RBBP5: variants seen among roughly 807,000 people sequenced by gnomAD.
RBBP5 encodes the protein RB binding protein 5, histone lysine methyltransferase complex subunit, also known as retinoblastoma-binding protein 5.
In RBBP5, 5 loss-of-function variants were observed where a neutral mutation model predicts 72.2. The observed-to-expected ratio is 0.07, with a 90% CI of 0.04 to 0.15. The LOEUF (loss-of-function observed/expected upper bound fraction) is 0.15, where lower values mean the gene tolerates loss of function less well. Ranked by LOEUF, RBBP5 falls within the 10% of genes least tolerant of loss-of-function variation. RBBP5 has a pLI of 1.00. For synonymous variants in RBBP5, 209 were observed against 237.2 expected (o/e 0.88, Z 1.09); for missense variants, 322 against 652.2 (o/e 0.49, Z 5.51).
At chr1:205,121,291 C>A in intron 1 of RBBP5, among the ~76,000 whole-genome samples, 1 of 152,266 alleles carries the variant, frequency 6.6e-6, no homozygotes, top group East Asian at 1.9e-4. Flanking sequence ...TTTTACACAC[C>A]GTCCCTAGCA....
chr1:205,086,830 T>G lies in RBBP5; in HGVS notation c.*1957A>C, dbSNP rs1198347921. 6.6e-6 allele frequency: 1 copy of G among 152,188 alleles called. No individual in the cohort carries two copies. The highest frequency in any genetic ancestry group is 1.5e-5 in the Non-Finnish European group (1 of 68,082). 9.4% of individuals were successfully genotyped at this position (152,188 alleles called of 1,614,324 possible). A position where few individuals can be genotyped will look rare whatever the true frequency, so the allele number is the denominator to read the frequency against. Reference sequence around the variant, plus strand: ...CCAAGCTACTTCACACGTGGAAAGATGGCAGAAACCCTCTAAGTCCCATAG... The same window carrying G: ...CCAAGCTACTTCACACGTGGAAAGAGGGCAGAAACCCTCTAAGTCCCATAG... On this transcript the variant is annotated 3_prime_UTR_variant, in exon 14 of 14. Transcript: ENST00000264515.
chr1:205,097,184 G>A, intron 11 of RBBP5, 142 bp downstream of exon 11: 1 of 849,522 alleles, frequency 1.2e-6, no homozygotes. Context: ...GGCTACATTG[G>A]ATTTCTTGTA....
intron 1 of RBBP5, among the ~76,000 whole-genome samples, chr1:205,117,755 A>T (rs1656582667): frequency 6.6e-6 from 1 of 152,082 alleles, no homozygotes; most frequent in South Asian, 2.1e-4. Flanking sequence ...GGATAACCCC[A>T]CTGAAAATTT....
chr1:205,095,092 A>G, intron 12 of RBBP5, 28 bp from the exon 13 acceptor site: 7 of 1,609,698 alleles, frequency 4.3e-6, no homozygotes, highest in Non-Finnish European at 6.0e-6. Flanking sequence ...ATGGAAAGGA[A>G]TCCACATGAC....
At chr1:205,105,687 G>A (rs1052713234) in intron 3 of RBBP5, among the ~76,000 whole-genome samples, 1 of 152,226 alleles carries the variant, frequency 6.6e-6, no homozygotes, top group Non-Finnish European at 1.5e-5. Context: ...AGGCAAGCCA[G>A]AGACTGTAGA....
intron 3 of RBBP5, among the ~76,000 whole-genome samples, chr1:205,106,421 T>A (rs571322527): frequency 2.9e-4 from 44 of 152,140 alleles, no homozygotes; most frequent in African/African-American, 1.1e-3. Context: ...ATGGTGAAAC[T>A]CCGTTGTCTA....
intron 6 of RBBP5, among the ~76,000 whole-genome samples, chr1:205,101,266 T>C (rs538534296): frequency 6.6e-6 from 1 of 152,238 alleles, no homozygotes; most frequent in Non-Finnish European, 1.5e-5. Context: ...TAGGCAGTAT[T>C]CAGTTACAAT....
Position 205,087,095 on chromosome 1 carries a change from C to T in RBBP5, c.*1692G>A, listed in dbSNP as rs1342969238. ...ACTGGTTTTAAATGATGGAGTGAGA[C>T]AAAGAGGCTCTTGCTGACGTGCTCT... On this transcript the variant is annotated 3_prime_UTR_variant, in exon 14 of 14. Coordinates refer to ENST00000264515, the MANE Select transcript of RBBP5 (RefSeq NM_005057.4). 2 of 152,098 alleles carry T rather than the reference C, an allele frequency of 1.3e-5. No homozygotes were observed. 9.4% of individuals were successfully genotyped at this position (152,098 alleles called of 1,614,324 possible).
chr1:205,094,341 T>C (rs1370944014), intron 13 of RBBP5, among the ~76,000 whole-genome samples: 1 of 152,218 alleles, frequency 6.6e-6, no homozygotes, highest in Non-Finnish European at 1.5e-5. Context: ...TCATTATTGC[T>C]TCTGGAATAC....
intron 3 of RBBP5, among the ~76,000 whole-genome samples, chr1:205,110,040 G>T (rs897100778): frequency 4.0e-5 from 6 of 151,602 alleles, no homozygotes; most frequent in African/African-American, 1.5e-4. Context: ...TTGTTTTTTG[G>T]GTTTTTTTTT....
chr1:205,117,638 C>A (rs1656578489), intron 1 of RBBP5, among the ~76,000 whole-genome samples: 1 of 151,120 alleles, frequency 6.6e-6, no homozygotes, highest in African/African-American at 2.4e-5. Context: ...CCAGCCTGGG[C>A]AACAAGAGGG....
At chr1:205,111,073 T>C in intron 3 of RBBP5, among the ~76,000 whole-genome samples, 1 of 151,844 alleles carries the variant, frequency 6.6e-6, no homozygotes, top group Admixed American at 6.6e-5. Flanking sequence ...CGAAAAAATT[T>C]AAAAAAAACA....
intron 1 of RBBP5, among the ~76,000 whole-genome samples, chr1:205,121,325 G>A (rs527814800): frequency 6.6e-6 from 1 of 152,224 alleles, no homozygotes; most frequent in Non-Finnish European, 1.5e-5. Context: ...AGAAAGTTAG[G>A]ATAATTGGAT....
chr1:205,103,503 A>G (rs1655929820), intron 5 of RBBP5, among the ~76,000 whole-genome samples: 1 of 152,204 alleles, frequency 6.6e-6, no homozygotes, highest in East Asian at 1.9e-4. Context: ...CAGTACTGTA[A>G]GTTAAGCTGG....
At chr1:205,097,979 A>G (rs186417986) in intron 10 of RBBP5, among the ~76,000 whole-genome samples, 111 of 152,286 alleles carry the variant, frequency 7.3e-4, no homozygotes, top group African/African-American at 2.6e-3. Flanking sequence ...ATTCACCCGC[A>G]CAAACCTTAC....
In RBBP5 at chr1:205,087,196, T is replaced by C. The variant is rs1038743638; in HGVS notation, c.*1591A>G. ...CTATAGGAGCATCCACCAACTGATA[T>C]CATTTTTTTTTTTTTTTTGAGATAG... On this transcript the variant is annotated 3_prime_UTR_variant, in exon 14 of 14. Transcript: ENST00000264515. The C allele has an allele frequency of 6.1e-5, 6 of 99,156 alleles. No individual in the cohort carries two copies. The highest frequency in any genetic ancestry group is 1.3e-4 in the Non-Finnish European group (6 of 46,778). The allele number at this position is 99,156 out of a possible 1,614,324, so 6.1% of individuals were successfully genotyped here. A position where few individuals can be genotyped will look rare whatever the true frequency, so the allele number is the denominator to read the frequency against.
intron 3 of RBBP5, among the ~76,000 whole-genome samples, chr1:205,107,734 T>C (rs549762958): frequency 6.7e-6 from 1 of 149,960 alleles, no homozygotes; most frequent in East Asian, 2.0e-4. Flanking sequence ...TCACCTGAGG[T>C]TGGCAGTTGG....
chr1:205,100,198 C>G lies in RBBP5; in HGVS notation c.706G>C (p.Asp236His). Reference protein sequence around the residue: ...DGREILTCGRDGEPEPMQKLQ... With the variant: ...DGREILTCGRHGEPEPMQKLQ... Reference sequence around the variant, plus strand: ...TTCTGCATAGGTTCAGGCTCTCCATCTCTTCCACATGTTAAGATTTCTCTG... The same window carrying G: ...TTCTGCATAGGTTCAGGCTCTCCATGTCTTCCACATGTTAAGATTTCTCTG... The change falls in exon 7 of 14, where the codon GAT becomes CAT. Residue 236 changes from aspartate (D) to histidine (H), a missense_variant. Coordinates refer to ENST00000264515, the MANE Select transcript of RBBP5 (RefSeq NM_005057.4). 6.2e-7 allele frequency: 1 copy of G among 1,614,208 alleles called. No individual in the cohort carries two copies. Among genetic ancestry groups the G allele is most frequent in the Non-Finnish European group, 8.5e-7 (1 of 1,180,038 alleles).
At chr1:205,091,854 G>A (rs2102250414) in intron 13 of RBBP5, 1 of 152,304 alleles carries the variant, frequency 6.6e-6, no homozygotes, top group East Asian at 1.9e-4. Flanking sequence ...TTTGAAGATG[G>A]TTTGGCCTCA....
Sources: allele counts gnomAD v4.1 joint callset (sites outside exome capture counted in the v4.1 genomes callset), GRCh38; gene constraint gnomAD v4.1.1; transcripts MANE v1.5; gene names NCBI Gene and HGNC (gene_info 2026-07-23, HGNC 2026-07-21).